Variants in OSBPL9 observed in about 807,000 individuals in gnomAD.
OSBPL9 encodes oxysterol binding protein like 9.
OSBPL9 carries 40 observed loss-of-function variants against 106.6 expected under a neutral mutation model. The observed-to-expected ratio is 0.38, with a 90% confidence interval of 0.29 to 0.49. OSBPL9 has a LOEUF of 0.49. Ranked by LOEUF, OSBPL9 falls within the 20% of genes least tolerant of loss-of-function variation. The probability of loss-of-function intolerance (pLI) is 0.97; values close to 1 mark genes in which losing one functional copy is unlikely to be tolerated. For missense variants in OSBPL9, 609 were observed against 887.2 expected (o/e 0.69, Z 3.98); for synonymous variants, 269 against 295.4 (o/e 0.91, Z 0.92).
Position 51,765,191 on chromosome 1 carries a change from T to C in OSBPL9, c.779-631T>C, listed in dbSNP as rs928757246. Among the ~76,000 whole-genome samples, 4 of 152,326 alleles carry C rather than the reference T, an allele frequency of 2.6e-5. No individual in the cohort carries two copies. The East Asian group carries it at 7.7e-4, about 29-fold the overall frequency. Reference sequence around the variant, plus strand: ...AATTTCCATTTCTTTAGTTAGACTATTTAGGAATAGAAAAATGTTCTTCTG... The same window carrying C: ...AATTTCCATTTCTTTAGTTAGACTACTTAGGAATAGAAAAATGTTCTTCTG... On this transcript the variant is annotated intron_variant, in intron 11 of 23. Coordinates refer to ENST00000428468, the MANE Select transcript of OSBPL9 (RefSeq NM_024586.6).
intron 14 of OSBPL9, among the ~76,000 whole-genome samples, chr1:51,776,020 TG>T (rs1674992773): frequency 6.6e-6 from 1 of 152,204 alleles, no homozygotes. Context: ...AATGAATAAT[TG>T]ATAATCTGAT....
chr1:51,692,778 T>C (rs1371327607), intron 3 of OSBPL9, among the ~76,000 whole-genome samples: 1 of 151,592 alleles, frequency 6.6e-6, no homozygotes, highest in Non-Finnish European at 1.5e-5. Context: ...CCTCCTACCT[T>C]ACCCTCCCAA....
intron 3 of OSBPL9, among the ~76,000 whole-genome samples, chr1:51,680,083 CT>C (rs950797629): frequency 2.6e-5 from 4 of 151,482 alleles, no homozygotes; most frequent in African/African-American, 4.9e-5. Context: ...GCGAAACCCC[CT>C]CTCCACTAAA....
the OSBPL9 span, among the ~76,000 whole-genome samples, chr1:51,531,723 G>A: frequency 6.6e-6 from 1 of 152,164 alleles, no homozygotes; most frequent in Non-Finnish European, 1.5e-5. Context: ...CAGGGGAGAG[G>A]CCTGGGTTGG....
intron 9 of OSBPL9, chr1:51,756,753 A>G (rs534973973): frequency 8.0e-4 from 134 of 167,134 alleles, no homozygotes; most frequent in African/African-American, 3.1e-3. Context: ...GAATATATTT[A>G]TAGGTTCCTA....
chr1:51,683,913 C>G (rs933514086), intron 3 of OSBPL9, among the ~76,000 whole-genome samples: 1 of 152,052 alleles, frequency 6.6e-6, no homozygotes, highest in Admixed American at 6.5e-5. Flanking sequence ...ATGGTGGTTA[C>G]CAGGAGCTGG....
At chr1:51,737,541 C>T (rs1665955338) in intron 4 of OSBPL9, among the ~76,000 whole-genome samples, 1 of 115,030 alleles carries the variant, frequency 8.7e-6, no homozygotes. Context: ...TGTTATATTT[C>T]AGGGGTGTGT....
chr1:51,602,784 T>C (rs923709959), intron 2 of OSBPL9, among the ~76,000 whole-genome samples: 1 of 152,144 alleles, frequency 6.6e-6, no homozygotes, highest in African/African-American at 2.4e-5. Context: ...CTTACTTCTT[T>C]CTGTATCCTT....
chr1:51,769,663 T>G (rs1025914762), intron 12 of OSBPL9, among the ~76,000 whole-genome samples: 11 of 152,244 alleles, frequency 7.2e-5, no homozygotes, highest in African/African-American at 2.7e-4. Context: ...AAAACTTTCC[T>G]GTATACATAG....
intron 1 of OSBPL9, among the ~76,000 whole-genome samples, chr1:51,592,711 T>A (rs532346925): frequency 1.3e-5 from 2 of 152,346 alleles, no homozygotes; most frequent in East Asian, 3.9e-4. Flanking sequence ...TTCCTGATTT[T>A]GGCTTCATCA....
At chr1:51,655,978 A>G (rs1019430983) in intron 2 of OSBPL9, among the ~76,000 whole-genome samples, 2 of 152,220 alleles carry the variant, frequency 1.3e-5, no homozygotes, top group Admixed American at 6.5e-5. Context: ...TAGTCAAGAA[A>G]TATCTTGAGG....
At chr1:51,714,627 CT>C (rs1660701079) in intron 4 of OSBPL9, among the ~76,000 whole-genome samples, 1 of 152,202 alleles carries the variant, frequency 6.6e-6, no homozygotes, top group Non-Finnish European at 1.5e-5. Flanking sequence ...CTACGTTCCA[CT>C]TTTGCATTGG....
chr1:51,519,141 G>T, the OSBPL9 span: 1 of 1,259,684 alleles, frequency 7.9e-7, no homozygotes, highest in African/African-American at 1.6e-5. Flanking sequence ...CGAAGCTGAG[G>T]GCGGTGGGGG....
At chr1:51,762,696 G>A (rs957663307) in intron 11 of OSBPL9, among the ~76,000 whole-genome samples, 4 of 152,116 alleles carry the variant, frequency 2.6e-5, no homozygotes, top group Non-Finnish European at 5.9e-5. Context: ...TATTTTTATT[G>A]TTTTTGTTTA....
chr1:51,786,503 C>A, intron 21 of OSBPL9, 23 bp from the exon 22 acceptor site: 1 of 1,506,984 alleles, frequency 6.6e-7, no homozygotes, highest in Non-Finnish European at 9.2e-7. Flanking sequence ...GTCTAGTTCC[C>A]ATCCACCTCT....
In OSBPL9 at chr1:51,691,915, T is replaced by A. The variant is rs115849399; in HGVS notation, c.242-22088T>A. 2.3e-3 allele frequency among the ~76,000 whole-genome samples: 353 copies of A among 152,290 alleles called. 4 individuals are homozygous for A. Among genetic ancestry groups the A allele is most frequent in the African/African-American group, 8.3e-3 (345 of 41,558 alleles). ...ACAGGCATAGAGCTATCATCTCCTA[T>A]GATAACAATACCTTCTTCTGGAATA... On this transcript the variant is annotated intron_variant, in intron 3 of 23. Coordinates refer to ENST00000428468, the MANE Select transcript of OSBPL9 (RefSeq NM_024586.6).
chr1:51,747,457 T>A (rs1241439533), intron 6 of OSBPL9, among the ~76,000 whole-genome samples: 1 of 152,122 alleles, frequency 6.6e-6, no homozygotes, highest in African/African-American at 2.4e-5. Context: ...ACTGCTTTAA[T>A]TATGGTTCTG....
At chr1:51,573,750 G>A (rs570777886), upstream of OSBPL9, among the ~76,000 whole-genome samples, 1 of 150,298 alleles carries the variant, frequency 6.7e-6, no homozygotes, top group African/African-American at 2.4e-5. Context: ...GGAGGCGGAG[G>A]TTGCAGTGAG....
At chr1:51,590,403 G>C (rs182581967) in intron 1 of OSBPL9, among the ~76,000 whole-genome samples, 487 of 151,946 alleles carry the variant, frequency 3.2e-3, no homozygotes, top group African/African-American at 0.011. Context: ...GGTGGATCAC[G>C]AGGTCAGGAG....
Sources: allele counts gnomAD v4.1 joint callset (sites outside exome capture counted in the v4.1 genomes callset), GRCh38; gene constraint gnomAD v4.1.1; transcripts MANE v1.5; gene names NCBI Gene and HGNC (gene_info 2026-07-23, HGNC 2026-07-21).